ARHGEF3: variants seen among roughly 807,000 people sequenced by gnomAD.
ARHGEF3 encodes Rho guanine nucleotide exchange factor 3.
In ARHGEF3, 28 loss-of-function variants were observed where a neutral mutation model predicts 63.2. The observed-to-expected ratio is 0.44, with a 90% CI of 0.33 to 0.61. The LOEUF is 0.61. Ranked by LOEUF, ARHGEF3 falls within the 20% of genes least tolerant of loss-of-function variation. ARHGEF3 has a pLI of 0.03. For missense variants in ARHGEF3, 533 were observed against 659.3 expected (o/e 0.81, Z 2.10); for synonymous variants, 266 against 254.2 (o/e 1.05, Z -0.44).
chr3:57,008,659 A>G (rs1274788395), intron 2 of ARHGEF3, among the ~76,000 whole-genome samples: 1 of 152,052 alleles, frequency 6.6e-6, no homozygotes, highest in Admixed American at 6.6e-5. Context: ...TTTAGTAGAG[A>G]CGGGGTTTCT....
chr3:57,064,372 G>A (rs1046087017), intron 1 of ARHGEF3, among the ~76,000 whole-genome samples: 9 of 151,148 alleles, frequency 6.0e-5, no homozygotes, highest in Non-Finnish European at 1.2e-4. Context: ...TATCCAGGCT[G>A]GGATGCAGCG....
chr3:56,766,218 GAATA>G (rs2035695414), intron 2 of ARHGEF3, among the ~76,000 whole-genome samples: 1 of 152,188 alleles, frequency 6.6e-6, no homozygotes, highest in African/African-American at 2.4e-5. Context: ...AGTCTAGGCA[GAATA>G]AATAACACAG....
intron 1 of ARHGEF3, among the ~76,000 whole-genome samples, chr3:56,794,488 C>CAAAAAAAAAAAAAAAAAAAAAAAAA (rs10557985): frequency 1.7e-5 from 2 of 116,934 alleles, no homozygotes; most frequent in African/African-American, 6.4e-5. Flanking sequence ...GACTCTATCT[C>CAAAAAAAAAAAAAAAAAAAAAAAAA]AAAAAAAAAA....
At chr3:56,933,790 C>G (rs7612091) in intron 3 of ARHGEF3, among the ~76,000 whole-genome samples, 24,772 of 152,116 alleles carry the variant, frequency 0.16, 2,241 homozygotes, top group East Asian at 0.3. Context: ...TATGGTCTGA[C>G]TCTGTGTCCC....
intron 4 of ARHGEF3, among the ~76,000 whole-genome samples, chr3:56,847,547 T>C (rs2039529876): frequency 6.6e-6 from 1 of 152,206 alleles, no homozygotes; most frequent in African/African-American, 2.4e-5. Context: ...TTGAGAAGTC[T>C]TTAAGAGCAT....
chr3:56,975,637 G>T, intron 2 of ARHGEF3: 1 of 248,026 alleles, frequency 4.0e-6, no homozygotes, highest in South Asian at 4.3e-5. Flanking sequence ...ACAGCTAGTA[G>T]GCATCAGAGT....
At chr3:56,872,089 A>T (rs2040448565) in intron 4 of ARHGEF3, among the ~76,000 whole-genome samples, 1 of 152,210 alleles carries the variant, frequency 6.6e-6, no homozygotes, top group Non-Finnish European at 1.5e-5. Flanking sequence ...CTAACCACAA[A>T]TTTGTTTTTA....
chr3:56,934,787 C>T (rs923261211), intron 3 of ARHGEF3, among the ~76,000 whole-genome samples: 4 of 152,230 alleles, frequency 2.6e-5, no homozygotes, highest in African/African-American at 7.2e-5. Flanking sequence ...GCCTCCCCGA[C>T]GAGCGCCACC....
chr3:57,006,857 A>G (rs555624731), intron 2 of ARHGEF3, among the ~76,000 whole-genome samples: 1 of 152,300 alleles, frequency 6.6e-6, no homozygotes, highest in African/African-American at 2.4e-5. Flanking sequence ...CCCTCCTGAC[A>G]TTCAGAGAAC....
chr3:56,947,210 C>T (rs1485320146), intron 3 of ARHGEF3, among the ~76,000 whole-genome samples: 25 of 152,192 alleles, frequency 1.6e-4, no homozygotes, highest in Admixed American at 1.6e-3. Context: ...TAGGAAGAAA[C>T]TGCATCAACT....
intron 1 of ARHGEF3, among the ~76,000 whole-genome samples, chr3:56,779,716 G>A (rs889669892): frequency 3.3e-5 from 5 of 152,142 alleles, no homozygotes; most frequent in East Asian, 1.9e-4. Context: ...TTCTTTCAAC[G>A]AATTCCTACA....
intron 4 of ARHGEF3, among the ~76,000 whole-genome samples, chr3:56,875,322 A>G (rs2040550595): frequency 6.6e-6 from 1 of 152,180 alleles, no homozygotes; most frequent in Non-Finnish European, 1.5e-5. Flanking sequence ...AATTCTGATT[A>G]ATATTAATCC....
intron 4 of ARHGEF3, among the ~76,000 whole-genome samples, chr3:56,870,461 T>A (rs2040400690): frequency 6.6e-6 from 1 of 151,926 alleles, no homozygotes; most frequent in Non-Finnish European, 1.5e-5. Context: ...TTGCCAGAGG[T>A]TAGTGAAGAA....
At chr3:57,018,278 CAAAAA>C (rs57400379) in intron 2 of ARHGEF3, among the ~76,000 whole-genome samples, 1,997 of 111,726 alleles carry the variant, frequency 0.018, 57 homozygotes, top group African/African-American at 0.061. Context: ...GGCTCTGTCA[CAAAAA>C]AAAAAAAAAA....
intron 1 of ARHGEF3, among the ~76,000 whole-genome samples, chr3:57,056,258 A>T (rs9862348): frequency 1.9e-4 from 29 of 151,844 alleles, no homozygotes; most frequent in African/African-American, 6.5e-4. Flanking sequence ...GTGACAGCAC[A>T]CACCTGTAAT....
intron 4 of ARHGEF3, among the ~76,000 whole-genome samples, chr3:56,863,010 T>C (rs981596972): frequency 1.3e-5 from 2 of 152,198 alleles, no homozygotes; most frequent in African/African-American, 4.8e-5. Context: ...AAATGTTAAG[T>C]GTATACAGTG....
At chr3:57,062,153 A>C (rs1162847308) in intron 1 of ARHGEF3, among the ~76,000 whole-genome samples, 4 of 101,468 alleles carry the variant, frequency 3.9e-5, no homozygotes, top group African/African-American at 1.6e-4. Flanking sequence ...GATTTGTAGG[A>C]AGATCCCTGG....
chr3:56,971,617 C>T (rs904667908), intron 2 of ARHGEF3, among the ~76,000 whole-genome samples: 1 of 151,256 alleles, frequency 6.6e-6, no homozygotes, highest in Non-Finnish European at 1.5e-5. Context: ...TTTGGGAGGC[C>T]GAGGTGGGTG....
At chr3:57,070,840 C>A (rs1705847444) in intron 1 of ARHGEF3, among the ~76,000 whole-genome samples, 1 of 151,754 alleles carries the variant, frequency 6.6e-6, no homozygotes, top group Non-Finnish European at 1.5e-5. Context: ...GGTATGGTTG[C>A]ACACATCTGT....
Sources: allele counts gnomAD v4.1 joint callset (sites outside exome capture counted in the v4.1 genomes callset), GRCh38; gene constraint gnomAD v4.1.1; transcripts MANE v1.5; gene names NCBI Gene and HGNC (gene_info 2026-07-23, HGNC 2026-07-21).